Variants in NSD3 observed in about 807,000 individuals in gnomAD.
NSD3 encodes nuclear receptor binding SET domain protein 3, also known as histone-lysine N-methyltransferase NSD3.
In NSD3, 24 loss-of-function variants were observed where a neutral mutation model predicts 160.8. The observed-to-expected ratio is 0.15, with a 90% CI of 0.11 to 0.21. NSD3 has a LOEUF of 0.21. Among genes scored for constraint, NSD3 ranks in the 10% least tolerant of loss-of-function variants. The probability of loss-of-function intolerance (pLI) is 1.00; values close to 1 mark genes in which losing one functional copy is unlikely to be tolerated. For missense variants in NSD3, 1,157 were observed against 1,735.9 expected (o/e 0.67, Z 5.93); for synonymous variants, 520 against 600.0 (o/e 0.87, Z 1.95).
intron 1 of NSD3, among the ~76,000 whole-genome samples, chr8:38,381,366 G>C (rs1329439848): frequency 1.3e-5 from 2 of 151,372 alleles, no homozygotes; most frequent in Middle Eastern, 3.2e-3. Flanking sequence ...CCTTCTCCCA[G>C]ACTCTTCTGG....
intron 12 of NSD3, among the ~76,000 whole-genome samples, chr8:38,306,549 G>C (rs1809397338): frequency 6.6e-6 from 1 of 152,132 alleles, no homozygotes; most frequent in African/African-American, 2.4e-5. Flanking sequence ...AACAGATGTA[G>C]GGAAATATGC....
intron 19 of NSD3, among the ~76,000 whole-genome samples, chr8:38,282,619 C>A (rs545703021): frequency 6.6e-6 from 1 of 152,052 alleles, no homozygotes; most frequent in Non-Finnish European, 1.5e-5. Flanking sequence ...TGCAGAGGGC[C>A]GAGATCGCGC....
chr8:38,281,493 T>G lies in NSD3; in HGVS notation c.3592A>C (p.Asn1198His), dbSNP rs867525271. The change falls in exon 20 of 24, where the codon AAT (asparagine) becomes CAT (histidine). Residue 1198 changes from asparagine to histidine, a missense_variant. Physicochemically the swap from Asn to His is moderately conservative, Grantham distance 68 (BLOSUM62 1). This residue lies in a region of NSD3 where 222 missense variants were observed against 409.9 expected (regional missense o/e 0.54). Coordinates refer to ENST00000317025, the MANE Select transcript of NSD3 (RefSeq NM_023034.2). ...TTGGTAACAGTTAACATATAAAAAT[T>G]AGTTACACTGTTCTCGTGGGCTCGC... is the stretch of plus-strand genomic sequence containing the variant. ...IKRAHENSVT[N>H]FYMLTVTKDR... 6.5e-7 allele frequency: 1 copy of G among 1,528,266 alleles called. No individual in the cohort carries two copies. Among genetic ancestry groups the G allele is most frequent in the Middle Eastern group, 1.7e-4 (1 of 5,722 alleles). 94.7% of individuals were successfully genotyped at this position (1,528,266 alleles called of 1,614,324 possible).
chr8:38,312,434 G>A (rs1809555416), intron 12 of NSD3, among the ~76,000 whole-genome samples: 1 of 152,050 alleles, frequency 6.6e-6, no homozygotes, highest in Non-Finnish European at 1.5e-5. Flanking sequence ...TTAATACTGA[G>A]ATATATGGTC....
chr8:38,301,638 G>T (rs1809279439), intron 14 of NSD3, among the ~76,000 whole-genome samples: 1 of 152,210 alleles, frequency 6.6e-6, no homozygotes, highest in Non-Finnish European at 1.5e-5. Context: ...GAGGGAGATG[G>T]AGTAGTGTAA....
In NSD3 at chr8:38,279,584, C is replaced by G; in HGVS notation, c.3716G>C (p.Gly1239Ala). The change falls in exon 21 of 24, where the codon GGA becomes GCA. Residue 1239 changes from glycine to alanine, a missense_variant. Around this residue, in one of 10 missense-constraint regions of NSD3, gnomAD observed 222 missense variants for 409.9 expected, o/e 0.54. Coordinates refer to ENST00000317025, the MANE Select transcript of NSD3 (RefSeq NM_023034.2). ...AGCAAATAGTCCCACTCGAACATCTCCATTCACTGTCCACTTTTGTGTTTC... is the reference window on the plus strand; with the variant it reads ...AGCAAATAGTCCCACTCGAACATCTGCATTCACTGTCCACTTTTGTGTTTC... ...NCETQKWTVN[G>A]DVRVGLFALC... The G allele has an allele frequency of 6.2e-7, 1 of 1,614,186 alleles. No homozygotes were observed. Among genetic ancestry groups the G allele is most frequent in the Non-Finnish European group, 8.5e-7 (1 of 1,180,024 alleles).
intron 17 of NSD3, among the ~76,000 whole-genome samples, chr8:38,290,113 G>C (rs1808966805): frequency 6.6e-6 from 1 of 151,996 alleles, no homozygotes; most frequent in Non-Finnish European, 1.5e-5. Context: ...CTACTCGGGA[G>C]GCTGAGGCAA....
intron 19 of NSD3, among the ~76,000 whole-genome samples, chr8:38,284,881 T>G (rs1454644395): frequency 1.3e-5 from 2 of 152,174 alleles, no homozygotes; most frequent in African/African-American, 4.8e-5. Context: ...TACAGAAAAA[T>G]TAAGTGCTGA....
At position 38,347,608 on chromosome 8, in the gene NSD3, T is replaced by C. The variant is rs1348352239; in HGVS notation, c.564A>G (p.Ser188=). 1 of 1,614,090 alleles carries C rather than the reference T, an allele frequency of 6.2e-7. No individual in the cohort carries two copies. Among genetic ancestry groups the C allele is most frequent in the South Asian group, 1.1e-5 (1 of 91,084 alleles). ...NEVQASEHTK[S]KHESRKEKRK... is the part of the protein sequence containing the mutation. ...TCTTTTCTTTTCTGCTTTCATGCTT[T>C]GATTTCGTGTGCTCACTTGCCTGTA... Residue 188 remains serine, a synonymous_variant, in exon 2 of 24, where the codon TCA becomes TCG. Transcript: ENST00000317025.
chr8:38,281,471 G>A lies in NSD3; in HGVS notation c.3614C>T (p.Thr1205Ile). Residue 1205 changes from threonine (T) to isoleucine (I), a missense_variant, in exon 20 of 24, where the codon ACC (threonine) becomes ATC (isoleucine). Physicochemically the swap from Thr to Ile is moderately conservative, Grantham distance 89. Around this residue, in one of 10 missense-constraint regions of NSD3, gnomAD observed 222 missense variants for 409.9 expected, o/e 0.54. Transcript: ENST00000317025. Reference protein sequence around the residue: ...SVTNFYMLTVTKDRIIDAGPK... With the variant: ...SVTNFYMLTVIKDRIIDAGPK... ...AAAAAAAAAAAGCAATTTTACCTTG[G>A]TAACAGTTAACATATAAAAATTAGT... The A allele has an allele frequency of 1.4e-6, 2 of 1,423,030 alleles. No homozygotes were observed. Among genetic ancestry groups the A allele is most frequent in the Non-Finnish European group, 1.9e-6 (2 of 1,076,220 alleles). The allele number at this position is 1,423,030 out of a possible 1,614,324, so 88.2% of individuals were successfully genotyped here.
Position 38,316,812 on chromosome 8 carries a change from T to C in NSD3, c.1856-770A>G. Reference sequence around the variant, plus strand: ...AAGGCAGAGAATAGTGTGGAATTGTTTTTTTTAAAACTGTGTGTAATACAA... The same window carrying C: ...AAGGCAGAGAATAGTGTGGAATTGTCTTTTTTAAAACTGTGTGTAATACAA... On this transcript the variant is annotated intron_variant, in intron 9 of 23. Coordinates refer to ENST00000317025, the MANE Select transcript of NSD3 (RefSeq NM_023034.2). This position sits in a 1 kb window ranked among gnomAD's most constrained non-coding sequence, Gnocchi z 4.5. 1.9e-6 allele frequency: 2 copies of C among 1,061,514 alleles called. No individual in the cohort carries two copies. Among genetic ancestry groups the C allele is most frequent in the Non-Finnish European group, 2.3e-6 (2 of 876,730 alleles). 65.8% of individuals were successfully genotyped at this position (1,061,514 alleles called of 1,614,324 possible). A position where few individuals can be genotyped will look rare whatever the true frequency, so the allele number is the denominator to read the frequency against.
At chr8:38,380,133 T>A (rs2150399763) in intron 1 of NSD3, among the ~76,000 whole-genome samples, 1 of 152,272 alleles carries the variant, frequency 6.6e-6, no homozygotes, top group Middle Eastern at 3.4e-3. Context: ...CATCTGGAGA[T>A]TGTATTGAGC....
chr8:38,379,082 T>A (rs1811474119), intron 1 of NSD3, among the ~76,000 whole-genome samples: 1 of 151,888 alleles, frequency 6.6e-6, no homozygotes, highest in Admixed American at 6.6e-5. Flanking sequence ...GAGACGGCAT[T>A]TGTTAATTTA....
intron 19 of NSD3, among the ~76,000 whole-genome samples, chr8:38,283,009 G>T (rs557521064): frequency 1.1e-4 from 16 of 152,206 alleles, no homozygotes; most frequent in Admixed American, 6.5e-5. Context: ...ACCATATGGT[G>T]AGTGTATGTT....
chr8:38,347,082 G>T (rs918432214), intron 2 of NSD3, among the ~76,000 whole-genome samples: 4 of 152,006 alleles, frequency 2.6e-5, no homozygotes, highest in African/African-American at 9.7e-5. Flanking sequence ...ATTATTTCAG[G>T]TTATTTTGTA....
At chr8:38,333,644 GA>G (rs1810126668) in intron 4 of NSD3, among the ~76,000 whole-genome samples, 2 of 151,694 alleles carry the variant, frequency 1.3e-5, no homozygotes, top group South Asian at 4.2e-4. Flanking sequence ...GAGGCGGGTG[GA>G]TCATGAGGTC....
At chr8:38,300,336 A>AT (rs200309116) in intron 14 of NSD3, among the ~76,000 whole-genome samples, 125 of 151,940 alleles carry the variant, frequency 8.2e-4, no homozygotes, top group Admixed American at 6.4e-3. Flanking sequence ...TAATTTTTAA[A>AT]TTTTTTTGTA....
intron 1 of NSD3, among the ~76,000 whole-genome samples, chr8:38,367,287 T>A (rs1233727173): frequency 6.6e-6 from 1 of 152,130 alleles, no homozygotes; most frequent in Non-Finnish European, 1.5e-5. Context: ...AAAGGTTGGA[T>A]CAGGTGATCC....
chr8:38,377,965 A>T, intron 1 of NSD3, among the ~76,000 whole-genome samples: 1 of 152,158 alleles, frequency 6.6e-6, no homozygotes, highest in East Asian at 1.9e-4. Context: ...AGCAAAATGC[A>T]GATAGTATGA....
Sources: allele counts gnomAD v4.1 joint callset (sites outside exome capture counted in the v4.1 genomes callset), GRCh38; gene constraint gnomAD v4.1.1; regional missense constraint gnomAD v4.1.1; non-coding constraint Gnocchi (gnomAD v3.1); transcripts MANE v1.5; gene names NCBI Gene and HGNC (gene_info 2026-07-23, HGNC 2026-07-21).